NFAT5: variants seen among roughly 807,000 people sequenced by gnomAD.
NFAT5 encodes the protein nuclear factor of activated T-cells 5.
In NFAT5, 31 loss-of-function variants were observed where a neutral mutation model predicts 166.5. The ratio of observed to expected loss-of-function variants is 0.19; its 90% confidence interval spans 0.14 to 0.25. The LOEUF (loss-of-function observed/expected upper bound fraction) is 0.25. Among genes scored for constraint, NFAT5 ranks in the 10% least tolerant of loss-of-function variants. NFAT5 has a pLI of 1.00. For synonymous variants in NFAT5, 612 were observed against 639.7 expected, an observed-to-expected ratio of 0.96 and a Z score of 0.65; for missense variants, 1,449 against 1,821.8, an observed-to-expected ratio of 0.80 and a Z score of 3.72.
At chr16:69,572,730 G>A (rs2016515953) in intron 2 of NFAT5, among the ~76,000 whole-genome samples, 1 of 151,928 alleles carries the variant, frequency 6.6e-6, no homozygotes, top group Non-Finnish European at 1.5e-5. Context: ...ATAAACAATA[G>A]ATTTAACAAT....
chr16:69,650,651 G>A (rs2035626451), intron 4 of NFAT5, among the ~76,000 whole-genome samples: 1 of 151,956 alleles, frequency 6.6e-6, no homozygotes, highest in African/African-American at 2.4e-5. Flanking sequence ...TATGCTCTAT[G>A]AATTTTCCTT....
At chr16:69,638,297 T>A (rs189004449) in intron 3 of NFAT5, among the ~76,000 whole-genome samples, 1 of 152,336 alleles carries the variant, frequency 6.6e-6, no homozygotes, top group African/African-American at 2.4e-5. Flanking sequence ...TCTGGTTTTT[T>A]GTCTAGGCAG....
intron 2 of NFAT5, among the ~76,000 whole-genome samples, chr16:69,579,098 A>T (rs1263615143): frequency 1.3e-5 from 2 of 151,838 alleles, no homozygotes; most frequent in African/African-American, 4.8e-5. Context: ...CTGGTCTGGA[A>T]CTCCTGACCT....
intron 3 of NFAT5, chr16:69,646,389 A>G: frequency 3.5e-6 from 1 of 282,460 alleles, no homozygotes; most frequent in Non-Finnish European, 6.6e-6. Flanking sequence ...CATAGTGACA[A>G]TACCAGTTCC....
intron 10 of NFAT5, among the ~76,000 whole-genome samples, chr16:69,681,817 C>G (rs760206466): frequency 8.6e-5 from 13 of 151,000 alleles, no homozygotes; most frequent in Non-Finnish European, 1.6e-4. Flanking sequence ...ACCCAGGAGG[C>G]TGAGGCAGGA....
intron 2 of NFAT5, among the ~76,000 whole-genome samples, chr16:69,576,106 T>A (rs2016731561): frequency 6.6e-6 from 1 of 151,122 alleles, no homozygotes; most frequent in Non-Finnish European, 1.5e-5. Context: ...ATCAAGATCA[T>A]CCTGGCCAAC....
chr16:69,686,477 C>G (rs751412639), intron 11 of NFAT5, among the ~76,000 whole-genome samples: 1 of 152,100 alleles, frequency 6.6e-6, no homozygotes, highest in Non-Finnish European at 1.5e-5. Context: ...GAGCTGTGAT[C>G]GTACCACTGC....
chr16:69,596,838 C>A (rs997869972), intron 2 of NFAT5, among the ~76,000 whole-genome samples: 1 of 150,068 alleles, frequency 6.7e-6, no homozygotes, highest in African/African-American at 2.5e-5. Context: ...AATGTGATTT[C>A]TTCCCTAATT....
intron 1 of NFAT5, among the ~76,000 whole-genome samples, chr16:69,567,785 T>C (rs1379220471): frequency 6.6e-6 from 1 of 150,940 alleles, no homozygotes; most frequent in Non-Finnish European, 1.5e-5. Flanking sequence ...GTTTTGAATG[T>C]CAAAAAAAAA....
intron 11 of NFAT5, among the ~76,000 whole-genome samples, chr16:69,687,739 A>G (rs2037367444): frequency 6.6e-6 from 1 of 151,890 alleles, no homozygotes; most frequent in Admixed American, 6.5e-5. Context: ...TAGGTGATAT[A>G]TTTATTTATA....
At chr16:69,683,669 T>G (rs8059310) in intron 10 of NFAT5, among the ~76,000 whole-genome samples, 6,719 of 152,262 alleles carry the variant, frequency 0.044, 504 homozygotes, top group African/African-American at 0.15. Context: ...TAGTTTAAAT[T>G]TGTTACAGTA....
At chr16:69,684,502 G>A (rs533237953) in intron 10 of NFAT5, among the ~76,000 whole-genome samples, 3 of 152,010 alleles carry the variant, frequency 2.0e-5, no homozygotes, top group East Asian at 3.9e-4. Flanking sequence ...GGAGGTTGCA[G>A]TGAGCCGAGA....
rs1567503124 is a variant in NFAT5 at position 69,566,265 on chromosome 16, C to T, written c.-37C>T. The T allele has an allele frequency of 1.9e-6, 3 of 1,581,124 alleles. No homozygotes were observed. The highest frequency in any genetic ancestry group is 2.6e-6 in the Non-Finnish European group (3 of 1,165,126). On this transcript the variant is annotated 5_prime_UTR_variant, in exon 1 of 15. Coordinates refer to ENST00000349945, the MANE Select transcript of NFAT5 (RefSeq NM_138713.4). The surrounding 1 kb of genome is among the most constrained non-coding windows in gnomAD (Gnocchi z 5.7). ...TGCCGCCGCCACCGCCGCTCCCCCC[C>T]TCCCGCTGCCCTCGGGCCGGGCTGG...
chr16:69,693,894 C>T lies in NFAT5; in HGVS notation c.4069C>T (p.Pro1357Ser), dbSNP rs2037661423. 1.2e-6 allele frequency: 2 copies of T among 1,614,106 alleles called. No individual in the cohort carries two copies. Among genetic ancestry groups the T allele is most frequent in the South Asian group, 1.1e-5 (1 of 91,088 alleles). The change falls in exon 13 of 15, where the codon CCA (proline) becomes TCA (serine). Residue 1357 changes from proline (P) to serine (S), a missense_variant. Around this residue, in one of 7 missense-constraint regions of NFAT5, gnomAD observed 891 missense variants for 993.0 expected, o/e 0.90. Coordinates refer to ENST00000349945, the MANE Select transcript of NFAT5 (RefSeq NM_138713.4). ...GTCCACAGTTTCCTCACTTCAGAACCCAGGTCCTACCCAGTCGGAATCATC... is the reference window on the plus strand; with the variant it reads ...GTCCACAGTTTCCTCACTTCAGAACTCAGGTCCTACCCAGTCGGAATCATC... The part of the protein sequence containing the change: ...SQSTVSSLQN[P>S]GPTQSESSQT...
chr16:69,602,682 G>A (rs2033196621), intron 2 of NFAT5, among the ~76,000 whole-genome samples: 1 of 150,304 alleles, frequency 6.7e-6, no homozygotes, highest in African/African-American at 2.5e-5. Context: ...TTGGCTCACT[G>A]CAGCCTCAAC....
chr16:69,619,713 C>T (rs571834229), intron 2 of NFAT5, among the ~76,000 whole-genome samples: 3 of 152,294 alleles, frequency 2.0e-5, no homozygotes, highest in African/African-American at 7.2e-5. Context: ...TATCTCCCTG[C>T]ACTCTTGAGG....
intron 2 of NFAT5, among the ~76,000 whole-genome samples, chr16:69,596,268 A>G (rs781116805): frequency 6.6e-6 from 1 of 152,214 alleles, no homozygotes; most frequent in Non-Finnish European, 1.5e-5. Context: ...TACTTTGCTC[A>G]TAATTTTATA....
intron 2 of NFAT5, among the ~76,000 whole-genome samples, chr16:69,592,080 CTTTTT>C (rs3037496): frequency 8.5e-6 from 1 of 118,120 alleles, no homozygotes; most frequent in Non-Finnish European, 1.7e-5. Context: ...ATTACTTTTT[CTTTTT>C]TTTTTTTTTT....
intron 4 of NFAT5, among the ~76,000 whole-genome samples, chr16:69,652,995 C>A (rs1164866925): frequency 2.0e-5 from 3 of 152,120 alleles, no homozygotes; most frequent in Admixed American, 2.0e-4. Flanking sequence ...CGTTCATTTT[C>A]TTTTCTGTCA....
Sources: allele counts gnomAD v4.1 joint callset (sites outside exome capture counted in the v4.1 genomes callset), GRCh38; gene constraint gnomAD v4.1.1; regional missense constraint gnomAD v4.1.1; non-coding constraint Gnocchi (gnomAD v3.1); transcripts MANE v1.5; gene names NCBI Gene and HGNC (gene_info 2026-07-23, HGNC 2026-07-21).